Variants in ARHGAP21 observed in about 807,000 individuals in gnomAD.
ARHGAP21 encodes the protein Rho GTPase activating protein 21, also known as rho GTPase-activating protein 21.
In ARHGAP21, 38 loss-of-function variants were observed where a neutral mutation model predicts 164.6. That is an observed-to-expected ratio of 0.23 (90% CI 0.18 to 0.30). The LOEUF is 0.30. ARHGAP21 is among the 10% of genes least tolerant of loss of function. The pLI, the probability that ARHGAP21 is intolerant of heterozygous loss-of-function variation, is 1.00. For missense variants in ARHGAP21, 1,822 were observed against 2,370.7 expected, an observed-to-expected ratio of 0.77 and a Z score of 4.81; for synonymous variants, 766 against 857.9, an observed-to-expected ratio of 0.89 and a Z score of 1.87.
intron 9 of ARHGAP21, among the ~76,000 whole-genome samples, chr10:24,616,584 A>C (rs1833969636): frequency 6.6e-6 from 1 of 152,214 alleles, no homozygotes; most frequent in Admixed American, 6.5e-5. Context: ...ACACGCAGCC[A>C]ATGTTGGGGT....
chr10:24,698,441 C>T (rs916236016), intron 2 of ARHGAP21, among the ~76,000 whole-genome samples: 2 of 152,040 alleles, frequency 1.3e-5, no homozygotes, highest in African/African-American at 2.4e-5. Flanking sequence ...CCCAAAGTTG[C>T]GGAGGAGGTA....
Position 24,714,274 on chromosome 10 carries a change from G to C in ARHGAP21, c.63+7563C>G, listed in dbSNP as rs1845141796. Reference sequence around the variant, plus strand: ...AAGACAGGACCCTTCACAAAGCAAAGAACAAAAGAAACTGAATATTACCTT... The same window carrying C: ...AAGACAGGACCCTTCACAAAGCAAACAACAAAAGAAACTGAATATTACCTT... On this transcript the variant is annotated intron_variant, in intron 2 of 25. Transcript: ENST00000396432. The C allele has an allele frequency of 1.3e-5, 2 of 152,090 alleles. 1 individual carries two copies. Among genetic ancestry groups the C allele is most frequent in the South Asian group, 4.1e-4 (2 of 4,820 alleles). 9.4% of individuals were successfully genotyped at this position (152,090 alleles called of 1,614,324 possible).
At chr10:24,655,143 G>T (rs1838676898) in intron 4 of ARHGAP21, among the ~76,000 whole-genome samples, 1 of 152,228 alleles carries the variant, frequency 6.6e-6, no homozygotes, top group South Asian at 2.1e-4. Flanking sequence ...AGACTTAAAT[G>T]TTAGACCTAA....
intron 2 of ARHGAP21, among the ~76,000 whole-genome samples, chr10:24,678,479 G>T (rs1399603866): frequency 6.6e-6 from 1 of 151,954 alleles, no homozygotes; most frequent in Non-Finnish European, 1.5e-5. Context: ...TTTTTCTTTT[G>T]GTTTGTTTCT....
chr10:24,715,269 A>C (rs1013135805), intron 2 of ARHGAP21, among the ~76,000 whole-genome samples: 3 of 152,200 alleles, frequency 2.0e-5, no homozygotes, highest in African/African-American at 4.8e-5. Context: ...TATTCTCATC[A>C]TTCAGAATAA....
At chr10:24,650,083 G>A (rs1838004347) in intron 4 of ARHGAP21, among the ~76,000 whole-genome samples, 1 of 152,146 alleles carries the variant, frequency 6.6e-6, no homozygotes, top group South Asian at 2.1e-4. Flanking sequence ...CATGGGAGAT[G>A]GAGTAAGAAT....
intron 2 of ARHGAP21, among the ~76,000 whole-genome samples, chr10:24,690,045 T>C (rs1842629094): frequency 6.6e-6 from 1 of 151,802 alleles, no homozygotes; most frequent in Non-Finnish European, 1.5e-5. Context: ...TTTATGTAAG[T>C]CTTTCCATAT....
chr10:24,590,724 C>CAA (rs1207658159), intron 24 of ARHGAP21: 1 of 985,122 alleles, frequency 1.0e-6, no homozygotes, highest in Non-Finnish European at 1.2e-6. Context: ...TTTACTGTGA[C>CAA]AAATAATACA....
At position 24,620,305 on chromosome 10, in the gene ARHGAP21, C is replaced by T. The variant is rs758250364; in HGVS notation, c.1590G>A (p.Gly530=). The T allele has an allele frequency of 1.2e-6, 2 of 1,613,938 alleles. No homozygotes were observed. The highest frequency in any genetic ancestry group is 4.5e-5 in the East Asian group (2 of 44,878). ...GEKKQTYKWS[G]FTEQDDRRGI... ...CTCGTCTATCATCCTGTTCAGTAAA[C>T]CCACTCCACTTGTAAGTCTGTTTTT... Residue 530 remains glycine (G), a synonymous_variant, in exon 9 of 26, where the codon GGG becomes GGA. Transcript: ENST00000396432.
chr10:24,607,632 A>T, intron 10 of ARHGAP21, 31 bp from the exon 11 acceptor site: 1 of 1,611,834 alleles, frequency 6.2e-7, no homozygotes, highest in Non-Finnish European at 8.5e-7. Flanking sequence ...ATATTTAGAC[A>T]TTCACAAGTG....
intron 9 of ARHGAP21, among the ~76,000 whole-genome samples, chr10:24,616,321 T>C (rs1833943779): frequency 6.6e-6 from 1 of 152,208 alleles, no homozygotes; most frequent in South Asian, 2.1e-4. Context: ...AAGGGCTGGG[T>C]GCTCATTGCA....
intron 2 of ARHGAP21, among the ~76,000 whole-genome samples, chr10:24,689,294 T>G (rs191774779): frequency 6.6e-6 from 1 of 152,292 alleles, no homozygotes; most frequent in Admixed American, 6.5e-5. Flanking sequence ...TAATTTATAT[T>G]TATGAAAACA....
chr10:24,694,789 C>T (rs544841002), intron 2 of ARHGAP21, among the ~76,000 whole-genome samples: 160 of 152,184 alleles, frequency 1.1e-3, no homozygotes, highest in Non-Finnish European at 2.1e-3. Flanking sequence ...GCACAGTGCA[C>T]GCCTGTAATC....
intron 2 of ARHGAP21, among the ~76,000 whole-genome samples, chr10:24,716,280 G>A (rs1845364744): frequency 6.6e-6 from 1 of 152,188 alleles, no homozygotes; most frequent in Non-Finnish European, 1.5e-5. Flanking sequence ...TAAGTGATAG[G>A]GAGATAAAGC....
chr10:24,607,455 C>T (rs770148156), intron 11 of ARHGAP21, 44 bp downstream of exon 11: 14 of 1,531,748 alleles, frequency 9.1e-6, no homozygotes, highest in African/African-American at 1.4e-5. Context: ...ATGCTGAACA[C>T]CCACCCACAT....
At chr10:24,702,224 G>A (rs568693180) in intron 2 of ARHGAP21, among the ~76,000 whole-genome samples, 2 of 136,246 alleles carry the variant, frequency 1.5e-5, no homozygotes, top group Middle Eastern at 4.9e-3. Flanking sequence ...TCCATTTCCC[G>A]GGTTCACGCC....
intron 7 of ARHGAP21, chr10:24,622,979 G>C: frequency 4.1e-6 from 2 of 491,626 alleles, no homozygotes; most frequent in Non-Finnish European, 7.2e-6. Context: ...CTTGTTTGAT[G>C]TGTCTACCAT....
At chr10:24,628,824 C>CAT (rs1282137039) in intron 7 of ARHGAP21, among the ~76,000 whole-genome samples, 7 of 143,754 alleles carry the variant, frequency 4.9e-5, no homozygotes, top group African/African-American at 1.3e-4. Flanking sequence ...TACATATACA[C>CAT]ACATATATGT....
At chr10:24,600,394 G>A (rs900361738) in intron 14 of ARHGAP21, among the ~76,000 whole-genome samples, 1 of 152,140 alleles carries the variant, frequency 6.6e-6, no homozygotes, top group African/African-American at 2.4e-5. Flanking sequence ...GACTAGGAAT[G>A]TAGTTCATTG....
Sources: allele counts gnomAD v4.1 joint callset (sites outside exome capture counted in the v4.1 genomes callset), GRCh38; gene constraint gnomAD v4.1.1; transcripts MANE v1.5; gene names NCBI Gene and HGNC (gene_info 2026-07-23, HGNC 2026-07-21).